The following DSC1 variants were observed in gnomAD, a reference collection of about 807,000 sequenced individuals.
DSC1 encodes the protein desmocollin 1.
A neutral mutation model predicts 98.8 loss-of-function variants in DSC1; 79 were observed. That is an observed-to-expected ratio of 0.80 (90% CI 0.67 to 0.96). DSC1 has a LOEUF of 0.96. Ranked by LOEUF, DSC1 falls within the 50% of genes least tolerant of loss-of-function variation. The pLI is 0.00. For missense variants in DSC1, 1,115 were observed against 1,075.9 expected (o/e 1.04, Z -0.51); for synonymous variants, 405 against 372.1 (o/e 1.09, Z -1.02).
Position 31,134,133 on chromosome 18 carries a change from A to AG in DSC1, c.1877-4dup, listed in dbSNP as rs1598613348. On this transcript the variant is annotated splice_region_variant and splice_polypyrimidine_tract_variant and intron_variant, in intron 12 of 15. Coordinates refer to ENST00000257198, the MANE Select transcript of DSC1 (RefSeq NM_024421.2). ...TTGACGAAGAATGGCAGTTTTACCT[A>AG]GGGAAAAAAAAGACAGAATATATAT... 1.9e-6 allele frequency: 3 copies of AG among 1,601,166 alleles called. No individual in the cohort carries two copies. The highest frequency in any genetic ancestry group is 2.5e-6 in the Non-Finnish European group (3 of 1,178,984).
intron 4 of DSC1, 92 bp from the exon 5 acceptor site, chr18:31,155,021 C>T: frequency 1.5e-6 from 2 of 1,354,474 alleles, no homozygotes; most frequent in Non-Finnish European, 1.0e-6. Flanking sequence ...ACCACTACCC[C>T]TCTTTCCTAC....
chr18:31,134,506 T>A (rs1014968519), intron 12 of DSC1, 66 bp downstream of exon 12: 3 of 1,239,694 alleles, frequency 2.4e-6, no homozygotes, highest in Non-Finnish European at 3.4e-6. Flanking sequence ...TATGATAAAC[T>A]AAGGTGAAAG....
chr18:31,155,826 A>T (rs1989086369), intron 4 of DSC1, among the ~76,000 whole-genome samples: 1 of 152,202 alleles, frequency 6.6e-6, no homozygotes, highest in South Asian at 2.1e-4. Context: ...GAAACTCCAA[A>T]TATAAAACTT....
At position 31,154,774 on chromosome 18, in the gene DSC1, C is replaced by T. The variant is rs747312748; in HGVS notation, c.627G>A (p.Ala209=). The stretch of plus-strand genomic sequence containing the variant: ...TGAATAAATATTTCAATAATCCTAC[C>T]GCAAACTGTTCATATTTCTCACGGT... ...SIDREKYEQF[A]LYGYATTADG... is the part of the protein sequence containing the mutation. The change falls in exon 5 of 16, where the codon GCG becomes GCA. Residue 209 remains alanine, a splice_region_variant and synonymous_variant. Transcript: ENST00000257198. The T allele has an allele frequency of 7.5e-6, 12 of 1,605,360 alleles. No individual in the cohort carries two copies. The highest frequency in any genetic ancestry group is 2.7e-5 in the African/African-American group (2 of 74,466).
Position 31,131,677 on chromosome 18 carries a change from A to C in DSC1, c.2404T>G (p.Ser802Ala). Residue 802 changes from serine (S) to alanine (A), a missense_variant, in exon 15 of 16, where the codon TCC becomes GCC. By Grantham distance (99) the Ser-to-Ala change is moderately conservative. Transcript: ENST00000257198. ...NKGGGHQTLE[S>A]VKGVGQGDTG... ...TCTCCCTGCCCCACTCCCTTGACGGACTCCAAGGTCTGATGTCCACCTCCT... is the reference window on the plus strand; with the variant it reads ...TCTCCCTGCCCCACTCCCTTGACGGCCTCCAAGGTCTGATGTCCACCTCCT... 1 of 1,613,954 alleles carries C rather than the reference A, an allele frequency of 6.2e-7. No homozygotes were observed. The highest frequency in any genetic ancestry group is 8.5e-7 in the Non-Finnish European group (1 of 1,179,970).
chr18:31,150,387 TCACCACCATTATCACCACCACCA>T (rs1988968931), intron 5 of DSC1, among the ~76,000 whole-genome samples: 1 of 2,590 alleles, frequency 3.9e-4, no homozygotes, highest in Non-Finnish European at 8.5e-4. Context: ...ATCACCACCA[TCACCACCATTATCACCACCACCA>T]CATCATCACT....
At chr18:31,150,357 C>CCACCATCACCAGCAGCACTAT (rs1568002828) in intron 5 of DSC1, among the ~76,000 whole-genome samples, 9 of 1,566 alleles carry the variant, frequency 5.7e-3, no homozygotes, top group Non-Finnish European at 9.4e-3. Flanking sequence ...ACCACCACCA[C>CCACCATCACCAGCAGCACTAT]CATCATCACC....
At chr18:31,148,763 T>A in intron 5 of DSC1, 121 bp from the exon 6 acceptor site, 1 of 950,968 alleles carries the variant, frequency 1.1e-6, no homozygotes, top group Non-Finnish European at 1.5e-6. Context: ...GACCCGTAAC[T>A]AAGAAATGAT....
chr18:31,143,912 ATATTTATTTATTTAT>A, intron 7 of DSC1, 121 bp from the exon 8 acceptor site: 2 of 657,482 alleles, frequency 3.0e-6, no homozygotes, highest in South Asian at 9.0e-5. Flanking sequence ...TTTCTTTTAT[ATATTTATTTATTTAT>A]TTGAGATGGG....
chr18:31,151,314 G>T (rs1211907150), intron 5 of DSC1, among the ~76,000 whole-genome samples: 1 of 151,992 alleles, frequency 6.6e-6, no homozygotes, highest in Admixed American at 6.6e-5. Context: ...ATCAAAATTG[G>T]AATCATCATT....
Position 31,130,138 on chromosome 18 carries a change from T to A in DSC1, c.*376A>T, listed in dbSNP as rs1016308741. On this transcript the variant is annotated 3_prime_UTR_variant, in exon 16 of 16. Coordinates refer to ENST00000257198, the MANE Select transcript of DSC1 (RefSeq NM_024421.2). ...CCAAGATTTTGAAGAACATATTTAATTCGTACATCTACAATGCAAATTCAT... is the reference window on the plus strand; with the variant it reads ...CCAAGATTTTGAAGAACATATTTAAATCGTACATCTACAATGCAAATTCAT... 5.8e-6 allele frequency: 1 copy of A among 173,606 alleles called. No individual in the cohort carries two copies. The highest frequency in any genetic ancestry group is 2.4e-5 in the African/African-American group (1 of 41,984). The allele number at this position is 173,606 out of a possible 1,614,324, so 10.8% of individuals were successfully genotyped here. A position where few individuals can be genotyped will look rare whatever the true frequency, so the allele number is the denominator to read the frequency against.
At chr18:31,150,360 TCATC>T (rs1988963343) in intron 5 of DSC1, among the ~76,000 whole-genome samples, 1 of 22,620 alleles carries the variant, frequency 4.4e-5, no homozygotes, top group Non-Finnish European at 7.6e-5. Flanking sequence ...ACCACCACCA[TCATC>T]ACCACCACCA....
Position 31,154,045 on chromosome 18 carries a change from C to T in DSC1, c.627+729G>A, listed in dbSNP as rs534865468. On this transcript the variant is annotated intron_variant, in intron 5 of 15. Transcript: ENST00000257198. ...TAATCAGTTTTATTCACCACCATTC[C>T]AAAAACCTACTATGAATATCTCATT... is the stretch of plus-strand genomic sequence containing the variant. Among the ~76,000 whole-genome samples, 9 of 152,172 alleles carry T rather than the reference C, an allele frequency of 5.9e-5. No homozygotes were observed. The South Asian group carries it at 1.5e-3, about 25-fold the overall frequency.
chr18:31,133,839 T>C, intron 13 of DSC1, 52 bp downstream of exon 13: 1 of 1,518,298 alleles, frequency 6.6e-7, no homozygotes, highest in Non-Finnish European at 8.8e-7. Flanking sequence ...TTAAAAATAC[T>C]AGATAAAATT....
At position 31,157,404 on chromosome 18, in the gene DSC1, C is replaced by T. The variant is rs201758140; in HGVS notation, c.318G>A (p.Glu106=). The change falls in exon 3 of 16, where the codon GAG becomes GAA. Residue 106 remains glutamate (E), a synonymous_variant. Coordinates refer to ENST00000257198, the MANE Select transcript of DSC1 (RefSeq NM_024421.2). The part of the protein sequence containing the change: ...LSDGQRREQQ[E]IKVVLSAREN... Reference sequence around the variant, plus strand: ...CTCTTGCTGACAGTACAACTTTTATCTCTTGTTGTTCCCGTCTCTGACCAT... The same window carrying T: ...CTCTTGCTGACAGTACAACTTTTATTTCTTGTTGTTCCCGTCTCTGACCAT... The T allele has an allele frequency of 3.1e-6, 5 of 1,614,084 alleles. No individual in the cohort carries two copies. Among genetic ancestry groups the T allele is most frequent in the Admixed American group, 1.7e-5 (1 of 60,012 alleles).
At chr18:31,142,494 C>T (rs1270968861) in intron 8 of DSC1, among the ~76,000 whole-genome samples, 6 of 152,074 alleles carry the variant, frequency 3.9e-5, no homozygotes, top group African/African-American at 1.4e-4. Context: ...ACAGTCTATC[C>T]TCTCCCATTT....
In DSC1 at chr18:31,150,373, C is replaced by CT. The variant is rs1442348253; in HGVS notation, c.628-1732_628-1731insA. On this transcript the variant is annotated intron_variant, in intron 5 of 15. Coordinates refer to ENST00000257198, the MANE Select transcript of DSC1 (RefSeq NM_024421.2). ...CCACCACCACCATCATCACCACCACCATCATCACCACCATCACCACCATTA... is the reference window on the plus strand; with the variant it reads ...CCACCACCACCATCATCACCACCACCTATCATCACCACCATCACCACCATTA... 1.5e-3 allele frequency among the ~76,000 whole-genome samples: 22 copies of CT among 14,730 alleles called. 5 individuals carry two copies. The East Asian group carries it at 0.023, about 16-fold the overall frequency. 9.7% of individuals were successfully genotyped at this position (14,730 alleles called of 152,430 possible). A position where few individuals can be genotyped will look rare whatever the true frequency, so the allele number is the denominator to read the frequency against.
rs899040297 is a variant in DSC1, at chr18:31,162,836, C to T, written c.-242G>A. The T allele has an allele frequency of 1.0e-5, 5 of 497,656 alleles. No individual in the cohort carries two copies. The highest frequency in any genetic ancestry group is 1.8e-5 in the Non-Finnish European group (5 of 277,722). 30.8% of individuals were successfully genotyped at this position (497,656 alleles called of 1,614,324 possible). A position where few individuals can be genotyped will look rare whatever the true frequency, so the allele number is the denominator to read the frequency against. On this transcript the variant is annotated 5_prime_UTR_variant, in exon 1 of 16. Transcript: ENST00000257198. Reference sequence around the variant, plus strand: ...CTTCCAGTTCAATTACGTCTAAATGCAAAGAGGCTTTCCTACAAGTGAGGA... The same window carrying T: ...CTTCCAGTTCAATTACGTCTAAATGTAAAGAGGCTTTCCTACAAGTGAGGA...
At chr18:31,139,694 T>G in intron 11 of DSC1, 54 bp downstream of exon 11, 1 of 1,461,414 alleles carries the variant, frequency 6.8e-7, no homozygotes. Context: ...ACCACAAGGT[T>G]TCCTTAAAAA....
Sources: gnomAD v4.1 joint callset for allele counts (sites outside exome capture counted in the v4.1 genomes callset) on GRCh38, gnomAD v4.1.1 for gene constraint, MANE v1.5 for transcripts, NCBI Gene and HGNC (gene_info 2026-07-23, HGNC 2026-07-21) for gene names.